AIM2: variants seen among roughly 807,000 people sequenced by gnomAD.
AIM2 encodes the protein absent in melanoma 2.
Under a neutral mutation model 27.7 loss-of-function variants are expected in AIM2, and 30 were observed. That is an observed-to-expected ratio of 1.08 (90% CI 0.81 to 1.47). The LOEUF is 1.47. Ranked by LOEUF, AIM2 falls within the 40% of genes most tolerant of loss-of-function variation. The pLI, the probability that AIM2 is intolerant of heterozygous loss-of-function variation, is 0.00. For missense variants in AIM2, 358 were observed against 411.3 expected (o/e 0.87, Z 1.12); for synonymous variants, 141 against 145.3 (o/e 0.97, Z 0.21).
chr1:159,070,466 T>C (rs1297959912), intron 2 of AIM2, among the ~76,000 whole-genome samples: 1 of 152,178 alleles, frequency 6.6e-6, no homozygotes, highest in Admixed American at 6.5e-5. Context: ...AAAAGCCAAC[T>C]CCTACTCCTG....
At chr1:159,134,579 C>T (rs1005812028) in intron 1 of AIM2, among the ~76,000 whole-genome samples, 11 of 152,224 alleles carry the variant, frequency 7.2e-5, no homozygotes, top group African/African-American at 2.4e-4. Flanking sequence ...CACCTGTAAT[C>T]CCATCACTTT....
intron 1 of AIM2, among the ~76,000 whole-genome samples, chr1:159,132,720 A>G (rs933359718): frequency 1.3e-5 from 2 of 152,224 alleles, no homozygotes; most frequent in African/African-American, 4.8e-5. Flanking sequence ...AGCTGGACAT[A>G]CAAATTAAAT....
At chr1:159,059,257 A>G (rs529408126), downstream of AIM2, among the ~76,000 whole-genome samples, 19 of 151,554 alleles carry the variant, frequency 1.3e-4, no homozygotes, top group Non-Finnish European at 2.5e-4. Context: ...TTATACACAC[A>G]CACACACACC....
chr1:159,090,955 C>G (rs1002984185), intron 1 of AIM2, among the ~76,000 whole-genome samples: 4 of 152,172 alleles, frequency 2.6e-5, no homozygotes, highest in African/African-American at 9.7e-5. Flanking sequence ...CACCATCACT[C>G]CCTCCTGGTA....
At chr1:159,094,665 T>G (rs1380552405) in intron 1 of AIM2, among the ~76,000 whole-genome samples, 3 of 152,186 alleles carry the variant, frequency 2.0e-5, no homozygotes. Context: ...ATTACTGCAC[T>G]CCAGCCTGGG....
chr1:159,103,404 A>C (rs149147028), intron 1 of AIM2, among the ~76,000 whole-genome samples: 20 of 150,594 alleles, frequency 1.3e-4, no homozygotes, highest in African/African-American at 4.4e-4. Context: ...TGCATCTACT[A>C]TGTTGGTATG....
chr1:159,082,558 T>G (rs574941796), intron 1 of AIM2, among the ~76,000 whole-genome samples: 7 of 152,130 alleles, frequency 4.6e-5, no homozygotes, highest in Non-Finnish European at 8.8e-5. Flanking sequence ...CCCTAAGTCC[T>G]GGACAGCAGG....
intron 1 of AIM2, among the ~76,000 whole-genome samples, chr1:159,114,536 G>A (rs1044727304): frequency 6.6e-6 from 1 of 152,126 alleles, no homozygotes; most frequent in African/African-American, 2.4e-5. Context: ...GGCCACCATG[G>A]CAAAACCCTG....
At chr1:159,133,311 A>G in intron 1 of AIM2, among the ~76,000 whole-genome samples, 1 of 152,210 alleles carries the variant, frequency 6.6e-6, no homozygotes, top group South Asian at 2.1e-4. Context: ...CGAGTTGATC[A>G]CTGTTGAAAC....
At chr1:159,057,304 G>T in the AIM2 span, among the ~76,000 whole-genome samples, 1 of 152,194 alleles carries the variant, frequency 6.6e-6, no homozygotes, top group African/African-American at 2.4e-5. Flanking sequence ...GAAGGATGTT[G>T]CATGGACTCT....
At chr1:159,083,597 C>T (rs1445788792) in intron 1 of AIM2, among the ~76,000 whole-genome samples, 2 of 152,258 alleles carry the variant, frequency 1.3e-5, no homozygotes, top group African/African-American at 4.8e-5. Flanking sequence ...ATATTCTATA[C>T]CATTTAGCTC....
At chr1:159,133,205 T>C (rs547880533) in intron 1 of AIM2, among the ~76,000 whole-genome samples, 7 of 152,140 alleles carry the variant, frequency 4.6e-5, no homozygotes, top group Admixed American at 2.6e-4. Flanking sequence ...CTCTCTCTCT[T>C]AATGATTTCC....
Position 159,105,918 on chromosome 1 carries a change from G to A in AIM2, c.-16+34513C>T, listed in dbSNP as rs149252621. Among the ~76,000 whole-genome samples the A allele has an allele frequency of 4.3e-3, 659 of 152,222 alleles. 6 individuals carry two copies. Among genetic ancestry groups the A allele is most frequent in the African/African-American group, 0.015 (621 of 41,536 alleles). Reference sequence around the variant, plus strand: ...GCCCCCATGCTTCGGGCCATCCTTGGTTTGAAGATGGGGCTTCACTGAGGA... The same window carrying A: ...GCCCCCATGCTTCGGGCCATCCTTGATTTGAAGATGGGGCTTCACTGAGGA... On this transcript the variant is annotated intron_variant, in intron 1 of 2. Transcript: ENST00000368129.
intron 1 of AIM2, among the ~76,000 whole-genome samples, chr1:159,127,039 A>C (rs1334259739): frequency 2.0e-5 from 3 of 152,224 alleles, no homozygotes; most frequent in Admixed American, 2.0e-4. Flanking sequence ...AAAACAAAGT[A>C]ATATATTATT....
chr1:159,137,685 T>G (rs1191221220), intron 1 of AIM2, among the ~76,000 whole-genome samples: 3 of 152,106 alleles, frequency 2.0e-5, no homozygotes, highest in Non-Finnish European at 4.4e-5. Flanking sequence ...AAAACCTATG[T>G]GTTGGTATCT....
chr1:159,119,814 G>T (rs1429970088), intron 1 of AIM2, among the ~76,000 whole-genome samples: 1 of 151,848 alleles, frequency 6.6e-6, no homozygotes, highest in African/African-American at 2.4e-5. Context: ...GTGTGTGTGG[G>T]TGTGTGTGCC....
intron 1 of AIM2, among the ~76,000 whole-genome samples, chr1:159,135,860 C>T (rs1648002101): frequency 6.6e-6 from 1 of 152,140 alleles, no homozygotes. Context: ...ACAGCCAAGC[C>T]CTCGTCTCCT....
intron 1 of AIM2, among the ~76,000 whole-genome samples, chr1:159,132,875 A>G (rs1570983298): frequency 6.6e-6 from 1 of 152,250 alleles, no homozygotes; most frequent in African/African-American, 2.4e-5. Flanking sequence ...CACAGTAACT[A>G]ATCCAAATTT....
chr1:159,130,800 CCACA>C (rs10557540), intron 1 of AIM2, among the ~76,000 whole-genome samples: 35,364 of 144,878 alleles, frequency 0.24, 6,417 homozygotes, highest in African/African-American at 0.52. Flanking sequence ...AGCCTGGTCA[CCACA>C]CACACACACA....
Sources: gnomAD v4.1 joint callset for allele counts (sites outside exome capture counted in the v4.1 genomes callset) on GRCh38, gnomAD v4.1.1 for gene constraint, MANE v1.5 for transcripts, NCBI Gene and HGNC (gene_info 2026-07-23, HGNC 2026-07-21) for gene names.